The following SEPTIN3 variants were observed in gnomAD, a reference collection of about 807,000 sequenced individuals.
The protein encoded by SEPTIN3 is neuronal-specific septin-3.
SEPTIN3 carries 15 observed loss-of-function variants against 45.1 expected under a neutral mutation model. That is an observed-to-expected ratio of 0.33 (90% confidence interval 0.22 to 0.51). The LOEUF (loss-of-function observed/expected upper bound fraction) is 0.51. SEPTIN3 is among the 20% of genes least tolerant of loss of function. SEPTIN3 has a pLI of 0.97. For missense variants in SEPTIN3, 289 were observed against 457.2 expected, an observed-to-expected ratio of 0.63 and a Z score of 3.35; for synonymous variants, 148 against 164.8, an observed-to-expected ratio of 0.90 and a Z score of 0.78.
intron 1 of SEPTIN3, among the ~76,000 whole-genome samples, chr22:41,970,642 G>C (rs2077949493): frequency 6.6e-6 from 1 of 152,094 alleles, no homozygotes; most frequent in Non-Finnish European, 1.5e-5. Context: ...GCCCCATGTT[G>C]GATTTTCAGA....
chr22:41,989,440 C>T, intron 6 of SEPTIN3, 127 bp from the exon 7 acceptor site: 3 of 683,606 alleles, frequency 4.4e-6, no homozygotes, highest in South Asian at 3.5e-5. Context: ...CGAGAGGTAG[C>T]AGCCTCTTGG....
intron 11 of SEPTIN3, chr22:41,995,032 A>G: frequency 8.3e-7 from 1 of 1,206,550 alleles, no homozygotes; most frequent in Non-Finnish European, 1.0e-6. Flanking sequence ...CCTGTCCATT[A>G]TCTGTCTCCT....
chr22:41,979,478 G>T (rs936939141), intron 2 of SEPTIN3, among the ~76,000 whole-genome samples: 6 of 152,240 alleles, frequency 3.9e-5, no homozygotes, highest in African/African-American at 1.4e-4. Context: ...GAAAGGCCCA[G>T]CTTGTGTGAG....
intron 3 of SEPTIN3, among the ~76,000 whole-genome samples, chr22:41,983,082 C>T (rs1349793131): frequency 1.3e-5 from 2 of 152,236 alleles, no homozygotes; most frequent in Non-Finnish European, 2.9e-5. Flanking sequence ...CTTCTCTCCT[C>T]TCTCTTGCTG....
At chr22:41,991,881 C>T (rs1423231179) in intron 8 of SEPTIN3, among the ~76,000 whole-genome samples, 1 of 152,294 alleles carries the variant, frequency 6.6e-6, no homozygotes, top group Non-Finnish European at 1.5e-5. Context: ...CTTCTATCCC[C>T]AGACCACATA....
chr22:41,972,913 C>A lies in SEPTIN3; in HGVS notation c.1421C>A (p.Thr474Lys). ...ATCLLMPSRS[T>K]DLALDNTNAA... ...TGCCTGCTAATGCCAAGCAGATCCA[C>A]AGACCTAGCCCTGGACAACACTAAT... Residue 474 changes from threonine to lysine, a missense_variant, in exon 2 of 12, where the codon ACA (threonine) becomes AAA (lysine). Thr to Lys is a moderately conservative substitution (Grantham distance 78). This residue lies in a region of SEPTIN3 where 200 missense variants were observed against 315.1 expected (regional missense o/e 0.63). Transcript: ENST00000644076. 1 of 399,270 alleles carries A rather than the reference C, an allele frequency of 2.5e-6. No homozygotes were observed. The highest frequency in any genetic ancestry group is 4.4e-6 in the Non-Finnish European group (1 of 226,238). The allele number at this position is 399,270 out of a possible 1,614,324, so 24.7% of individuals were successfully genotyped here. A position where few individuals can be genotyped will look rare whatever the true frequency, so the allele number is the denominator to read the frequency against.
intron 3 of SEPTIN3, among the ~76,000 whole-genome samples, chr22:41,984,845 C>CTTTTTTTTT (rs11380985): frequency 4.0e-5 from 4 of 100,660 alleles, no homozygotes; most frequent in South Asian, 3.8e-4. Flanking sequence ...GTGGTTTTCC[C>CTTTTTTTTT]TTTTTTTTTT....
chr22:41,986,076 A>G lies in SEPTIN3; in HGVS notation c.1789A>G (p.Ile597Val). The change falls in exon 4 of 12, where the codon ATC becomes GTC. Residue 597 changes from isoleucine to valine, a missense_variant. Coordinates refer to ENST00000644076, the MANE Select transcript of SEPTIN3 (RefSeq NM_001363845.2). ...CTCCAGCTGGAACCGGGAGGAGAAG[A>G]TCCCCAAGACAGTGGAGATCAAAGC... ...KASSWNREEKIPKTVEIKAIG... is the reference protein window; with the variant it reads ...KASSWNREEKVPKTVEIKAIG... 3 of 1,613,728 alleles carry G rather than the reference A, an allele frequency of 1.9e-6. No individual in the cohort carries two copies. The highest frequency in any genetic ancestry group is 2.5e-6 in the Non-Finnish European group (3 of 1,179,832).
chr22:41,994,867 T>C lies in SEPTIN3; in HGVS notation c.2505+153T>C. On this transcript the variant is annotated intron_variant, in intron 11 of 11. Transcript: ENST00000644076. The surrounding 1 kb of genome is among the most constrained non-coding windows in gnomAD (Gnocchi z 4.2). Reference sequence around the variant, plus strand: ...TCTGTCCCACAGGCCTGTCTGGTATTTGTGGAGCATCTTGTCTGTGTGTGT... The same window carrying C: ...TCTGTCCCACAGGCCTGTCTGGTATCTGTGGAGCATCTTGTCTGTGTGTGT... The C allele has an allele frequency of 6.4e-7, 1 of 1,552,518 alleles. No homozygotes were observed.
In SEPTIN3 at chr22:41,986,348, G is replaced by C. The variant is rs117736895; in HGVS notation, c.1825+236G>C. ...GGTGGATGATAAAGTACAGGATTTA[G>C]ACAGGTAGAAAGAGGTAAGGAGTGG... is the stretch of plus-strand genomic sequence containing the variant. On this transcript the variant is annotated intron_variant, in intron 4 of 11. Coordinates refer to ENST00000644076, the MANE Select transcript of SEPTIN3 (RefSeq NM_001363845.2). Among the ~76,000 whole-genome samples, 1,110 of 152,274 alleles carry C rather than the reference G, an allele frequency of 7.3e-3. 82 individuals carry two copies. In the East Asian group the frequency reaches 0.18, roughly 24 times the overall value.
chr22:41,988,445 T>C (rs562929114), intron 6 of SEPTIN3, among the ~76,000 whole-genome samples: 38 of 151,954 alleles, frequency 2.5e-4, no homozygotes, highest in Non-Finnish European at 5.0e-4. Context: ...CCCATAACAT[T>C]ACTAAGCCCA....
In SEPTIN3 at chr22:41,994,956, C is replaced by T; in HGVS notation, c.2505+242C>T. The T allele has an allele frequency of 7.1e-7, 1 of 1,404,136 alleles. No individual in the cohort carries two copies. The highest frequency in any genetic ancestry group is 9.3e-7 in the Non-Finnish European group (1 of 1,078,788). 87.0% of individuals were successfully genotyped at this position (1,404,136 alleles called of 1,614,324 possible). On this transcript the variant is annotated intron_variant, in intron 11 of 11. Coordinates refer to ENST00000644076, the MANE Select transcript of SEPTIN3 (RefSeq NM_001363845.2). The surrounding 1 kb of genome is among the most constrained non-coding windows in gnomAD (Gnocchi z 4.2). The stretch of plus-strand genomic sequence containing the variant: ...GAGAGCGAGAGAGCCTGTGTGTGTG[C>T]ATGCAGGGGTGAGGTATTTTCACTG...
chr22:41,979,862 C>A (rs1203884271), intron 2 of SEPTIN3, among the ~76,000 whole-genome samples: 1 of 152,172 alleles, frequency 6.6e-6, no homozygotes, highest in Non-Finnish European at 1.5e-5. Context: ...TCTGTCCCCT[C>A]TCCCTCCCGC....
chr22:41,982,627 G>A (rs1226019353), intron 3 of SEPTIN3, among the ~76,000 whole-genome samples: 7 of 149,942 alleles, frequency 4.7e-5, no homozygotes, highest in East Asian at 2.0e-4. Flanking sequence ...GGTGGCTCAC[G>A]CCTGTAATCC....
intron 2 of SEPTIN3, among the ~76,000 whole-genome samples, chr22:41,974,860 GAAAAAAAAAA>G (rs55642127): frequency 2.2e-4 from 16 of 74,298 alleles, no homozygotes; most frequent in East Asian, 9.0e-4. Flanking sequence ...GTCTCAAAAA[GAAAAAAAAAA>G]AAAAAAAAAA....
chr22:41,995,288 G>C, intron 11 of SEPTIN3: 1 of 990,582 alleles, frequency 1.0e-6, no homozygotes, highest in Non-Finnish European at 1.2e-6. Flanking sequence ...GGCTTCCTGG[G>C]AAAAGGAAGG....
At chr22:41,974,391 G>A (rs564922029) in intron 2 of SEPTIN3, among the ~76,000 whole-genome samples, 1 of 152,002 alleles carries the variant, frequency 6.6e-6, no homozygotes, top group Non-Finnish European at 1.5e-5. Flanking sequence ...CAGGCCAGGC[G>A]TGGTGGCTCA....
Position 41,987,653 on chromosome 22 carries a change from C to T in SEPTIN3, c.1939C>T (p.Gln647Ter). ...WEPIEKYINEQYEKFLKEEVN... is the reference protein window; with the variant it reads ...WEPIEKYINE The stretch of plus-strand genomic sequence containing the variant: ...GCCCATTGAGAAGTACATCAATGAG[C>T]AGTACGAGAAGTTCCTGAAGGAGGA... Residue 647 changes from glutamine (Q) to a stop codon, truncating the protein, a stop_gained, in exon 6 of 12, where the codon CAG becomes TAG. Coordinates refer to ENST00000644076, the MANE Select transcript of SEPTIN3 (RefSeq NM_001363845.2). LOFTEE classifies it high-confidence loss of function. The T allele has an allele frequency of 6.2e-7, 1 of 1,613,656 alleles. No homozygotes were observed.
At chr22:41,989,246 G>A (rs886147907) in intron 6 of SEPTIN3, among the ~76,000 whole-genome samples, 2 of 151,778 alleles carry the variant, frequency 1.3e-5, no homozygotes, top group Non-Finnish European at 2.9e-5. Context: ...AAGGACATAT[G>A]AGTAGAGACA....
Sources: gnomAD v4.1 joint callset for allele counts (sites outside exome capture counted in the v4.1 genomes callset) on GRCh38, gnomAD v4.1.1 for gene constraint, gnomAD v4.1.1 regional missense constraint, Gnocchi (gnomAD v3.1) non-coding constraint, MANE v1.5 for transcripts, NCBI Gene and HGNC (gene_info 2026-07-23, HGNC 2026-07-21) for gene names.